PPARGC1A: variants seen among roughly 807,000 people sequenced by gnomAD.
PPARGC1A encodes the protein PPARG coactivator 1 alpha, also known as peroxisome proliferator-activated receptor gamma coactivator 1-alpha.
PPARGC1A carries 25 observed loss-of-function variants against 88.7 expected under a neutral mutation model. The ratio of observed to expected loss-of-function variants is 0.28; its 90% CI spans 0.21 to 0.39. The LOEUF (loss-of-function observed/expected upper bound fraction) is 0.39. PPARGC1A is among the 10% of genes least tolerant of loss of function. PPARGC1A has a pLI of 1.00. For missense variants in PPARGC1A, 880 were observed against 968.7 expected (o/e 0.91, Z 1.22); for synonymous variants, 363 against 355.6 (o/e 1.02, Z -0.24).
the PPARGC1A span, among the ~76,000 whole-genome samples, chr4:24,245,463 C>G: frequency 1.3e-5 from 2 of 152,224 alleles, no homozygotes; most frequent in African/African-American, 4.8e-5. Flanking sequence ...TCGAGGCCCA[C>G]CATGCCTCAA....
the PPARGC1A span, among the ~76,000 whole-genome samples, chr4:24,077,909 T>G: frequency 6.6e-6 from 1 of 151,986 alleles, no homozygotes; most frequent in East Asian, 1.9e-4. Flanking sequence ...AGTTTTTTTC[T>G]CTGTTTTCTA....
At chr4:23,805,016 G>T (rs568614378) in intron 10 of PPARGC1A, among the ~76,000 whole-genome samples, 1 of 152,198 alleles carries the variant, frequency 6.6e-6, no homozygotes, top group Non-Finnish European at 1.5e-5. Flanking sequence ...GACCATATCT[G>T]TTCTATTCAC....
chr4:23,827,815 A>AGAAGGGGAAGAAGGAGTG (rs1724234228), intron 5 of PPARGC1A, among the ~76,000 whole-genome samples: 1 of 152,018 alleles, frequency 6.6e-6, no homozygotes, highest in Non-Finnish European at 1.5e-5. Context: ...GAAAAGGAGG[A>AGAAGGGGAAGAAGGAGTG]GAAGGGGAAG....
chr4:24,078,288 G>C, the PPARGC1A span, among the ~76,000 whole-genome samples: 1 of 152,060 alleles, frequency 6.6e-6, no homozygotes, highest in Non-Finnish European at 1.5e-5. Context: ...ACTTTCATGA[G>C]AGGCCTTTTT....
the PPARGC1A span, among the ~76,000 whole-genome samples, chr4:24,457,544 T>C: frequency 6.8e-6 from 1 of 147,000 alleles, no homozygotes; most frequent in Non-Finnish European, 1.5e-5. Context: ...TGTTTGTTTG[T>C]TTGTTTGTTT....
chr4:23,898,279 C>A (rs1718850223), intron 1 of PPARGC1A, among the ~76,000 whole-genome samples: 1 of 152,182 alleles, frequency 6.6e-6, no homozygotes, highest in African/African-American at 2.4e-5. Flanking sequence ...AAGACCATAT[C>A]ACAGGATAGC....
At chr4:24,011,551 CA>C in the PPARGC1A span, among the ~76,000 whole-genome samples, 1 of 152,154 alleles carries the variant, frequency 6.6e-6, no homozygotes, top group Non-Finnish European at 1.5e-5. Flanking sequence ...CACTGGGGAC[CA>C]TCTAAAGGCT....
At chr4:23,888,643 G>A (rs1360285232) in intron 1 of PPARGC1A, among the ~76,000 whole-genome samples, 3 of 152,156 alleles carry the variant, frequency 2.0e-5, no homozygotes, top group Non-Finnish European at 2.9e-5. Flanking sequence ...ATCTACCAAG[G>A]CAAGGGAGGG....
At chr4:24,238,337 G>C in the PPARGC1A span, among the ~76,000 whole-genome samples, 1 of 152,168 alleles carries the variant, frequency 6.6e-6, no homozygotes, top group Non-Finnish European at 1.5e-5. Context: ...GGCTTTGGTG[G>C]GTTGACTCCT....
At chr4:24,118,726 G>A in the PPARGC1A span, among the ~76,000 whole-genome samples, 1 of 151,994 alleles carries the variant, frequency 6.6e-6, no homozygotes, top group South Asian at 2.1e-4. Context: ...ATACTCAAAA[G>A]CCATATCCAC....
the PPARGC1A span, among the ~76,000 whole-genome samples, chr4:24,109,298 TACACACACACACACAC>T: frequency 1.4e-4 from 19 of 131,872 alleles, no homozygotes; most frequent in South Asian, 8.4e-4. Context: ...CATTTCATTA[TACACACACACACACAC>T]ACACACACAC....
the PPARGC1A span, among the ~76,000 whole-genome samples, chr4:24,098,061 C>T: frequency 6.6e-6 from 1 of 152,134 alleles, no homozygotes; most frequent in Non-Finnish European, 1.5e-5. Context: ...AAAAAAGTTG[C>T]TGTTTTCATG....
At chr4:24,407,800 A>C in the PPARGC1A span, among the ~76,000 whole-genome samples, 1 of 152,342 alleles carries the variant, frequency 6.6e-6, no homozygotes, top group East Asian at 1.9e-4. Flanking sequence ...AAATAAATCC[A>C]TTAATTCATG....
At chr4:23,866,633 G>A (rs1451884051) in intron 2 of PPARGC1A, among the ~76,000 whole-genome samples, 2 of 152,154 alleles carry the variant, frequency 1.3e-5, no homozygotes, top group Admixed American at 1.3e-4. Flanking sequence ...ATGCAATGCC[G>A]AAAGACTCTT....
At chr4:24,425,461 T>C in the PPARGC1A span, among the ~76,000 whole-genome samples, 2 of 152,174 alleles carry the variant, frequency 1.3e-5, no homozygotes, top group Non-Finnish European at 2.9e-5. Context: ...GACAAAGATA[T>C]ATGGTGGAGA....
the PPARGC1A span, among the ~76,000 whole-genome samples, chr4:24,298,099 C>T: frequency 6.6e-6 from 1 of 151,606 alleles, no homozygotes; most frequent in Non-Finnish European, 1.5e-5. Context: ...AGTCAGTAGT[C>T]ACATTATCTG....
chr4:24,299,330 T>C, the PPARGC1A span, among the ~76,000 whole-genome samples: 1 of 152,090 alleles, frequency 6.6e-6, no homozygotes, highest in African/African-American at 2.4e-5. Context: ...TAGTTTCCGG[T>C]TTAATAAAAT....
chr4:23,804,573 G>A lies in PPARGC1A; in HGVS notation c.2020-2228C>T, dbSNP rs541982794. 2.6e-5 allele frequency among the ~76,000 whole-genome samples: 4 copies of A among 152,244 alleles called. No individual in the cohort carries two copies. In the East Asian group the frequency reaches 7.7e-4, roughly 29 times the overall value. ...CCATTAACTTCTAAAATATTCCAAT[G>A]GCTTCTCATAACTTTTAATGAAAGA... is the stretch of plus-strand genomic sequence containing the variant. On this transcript the variant is annotated intron_variant, in intron 10 of 12. Coordinates refer to ENST00000264867, the MANE Select transcript of PPARGC1A (RefSeq NM_013261.5).
the PPARGC1A span, among the ~76,000 whole-genome samples, chr4:24,268,127 G>C: frequency 6.6e-6 from 1 of 152,150 alleles, no homozygotes. Flanking sequence ...ACATGGCATG[G>C]ATCCATGTCA....
Sources: allele counts gnomAD v4.1 joint callset (sites outside exome capture counted in the v4.1 genomes callset), GRCh38; gene constraint gnomAD v4.1.1; transcripts MANE v1.5; gene names NCBI Gene and HGNC (gene_info 2026-07-23, HGNC 2026-07-21).